ADAMTSL1: variants seen among roughly 807,000 people sequenced by gnomAD.
ADAMTSL1 encodes the protein ADAMTS like 1.
In ADAMTSL1, 126 loss-of-function variants were observed where a neutral mutation model predicts 201.8. The ratio of observed to expected loss-of-function variants is 0.62; its 90% CI spans 0.54 to 0.72. The LOEUF is 0.72. ADAMTSL1 is among the 30% of genes least tolerant of loss of function. The probability of loss-of-function intolerance (pLI) is 0.00; values close to 1 mark genes in which losing one functional copy is unlikely to be tolerated. For missense variants in ADAMTSL1, 2,679 were observed against 2,277.8 expected (o/e 1.18, Z -3.59); for synonymous variants, 1,121 against 903.4 (o/e 1.24, Z -4.32).
At chr9:18,002,349 G>A (rs1365470156) in intron 1 of ADAMTSL1, among the ~76,000 whole-genome samples, 3 of 151,946 alleles carry the variant, frequency 2.0e-5, no homozygotes, top group Non-Finnish European at 4.4e-5. Flanking sequence ...CCACAATATT[G>A]CTAGGTGACC....
At chr9:18,711,106 A>C (rs1027035761) in intron 14 of ADAMTSL1, among the ~76,000 whole-genome samples, 7 of 152,262 alleles carry the variant, frequency 4.6e-5, no homozygotes, top group African/African-American at 1.7e-4. Context: ...ATGATTTACA[A>C]AAATTGTTAC....
At chr9:18,364,781 G>A (rs949954210) in intron 2 of ADAMTSL1, among the ~76,000 whole-genome samples, 1 of 152,104 alleles carries the variant, frequency 6.6e-6, no homozygotes, top group Non-Finnish European at 1.5e-5. Context: ...TTACAATCAT[G>A]GGGGAAGGTG....
At position 18,316,114 on chromosome 9, in the gene ADAMTSL1, G is replaced by A. The variant is rs770200268; in HGVS notation, c.207+152133G>A. ...GTTTTTATTAGGGATTTTCAAAAGG[G>A]GAGGGAATGTGCGAATAGGTGTGGG... On this transcript the variant is annotated intron_variant, in intron 2 of 29. Transcript: ENST00000680146. Among the ~76,000 whole-genome samples, 11 of 152,302 alleles carry A rather than the reference G, an allele frequency of 7.2e-5. No homozygotes were observed. In the East Asian group the frequency reaches 1.2e-3, roughly 16 times the overall value.
At chr9:18,655,700 G>A (rs958981394) in intron 7 of ADAMTSL1, among the ~76,000 whole-genome samples, 2 of 148,676 alleles carry the variant, frequency 1.3e-5, no homozygotes, top group Admixed American at 6.7e-5. Context: ...AAATGCTCTG[G>A]TCTTTTATTT....
At chr9:18,094,675 C>T (rs1357348161) in intron 1 of ADAMTSL1, among the ~76,000 whole-genome samples, 1 of 152,002 alleles carries the variant, frequency 6.6e-6, no homozygotes, top group Non-Finnish European at 1.5e-5. Context: ...ATTCTCCTGC[C>T]TCAGCCTCCC....
chr9:18,817,309 T>G, intron 21 of ADAMTSL1, 72 bp downstream of exon 21: 1 of 1,449,878 alleles, frequency 6.9e-7, no homozygotes. Flanking sequence ...AAAGACAAAT[T>G]AGACACAAAT....
At chr9:18,748,052 C>T (rs1314529803) in intron 15 of ADAMTSL1, among the ~76,000 whole-genome samples, 1 of 152,208 alleles carries the variant, frequency 6.6e-6, no homozygotes, top group East Asian at 1.9e-4. Flanking sequence ...AGGTACTGGG[C>T]AGGGTCAAGC....
chr9:18,391,922 T>A (rs2133225926), intron 2 of ADAMTSL1, among the ~76,000 whole-genome samples: 1 of 151,034 alleles, frequency 6.6e-6, no homozygotes, highest in South Asian at 2.1e-4. Context: ...CCTCCTGGGT[T>A]CACGCCATTC....
chr9:18,436,898 G>C (rs895468360), intron 2 of ADAMTSL1, among the ~76,000 whole-genome samples: 1 of 152,154 alleles, frequency 6.6e-6, no homozygotes, highest in African/African-American at 2.4e-5. Context: ...CCGTAAGGAA[G>C]GCAGGAGCAG....
At chr9:18,580,386 C>A (rs1823022594) in intron 4 of ADAMTSL1, among the ~76,000 whole-genome samples, 1 of 152,134 alleles carries the variant, frequency 6.6e-6, no homozygotes, top group Non-Finnish European at 1.5e-5. Flanking sequence ...TGACCTAAGT[C>A]ACTAGTATCA....
At chr9:18,224,727 T>C (rs550007249) in intron 2 of ADAMTSL1, among the ~76,000 whole-genome samples, 1 of 152,248 alleles carries the variant, frequency 6.6e-6, no homozygotes, top group East Asian at 1.9e-4. Context: ...GCGGCTTTTC[T>C]CATTATAATC....
rs554930320 is a variant in ADAMTSL1, at chr9:18,607,831, G to C, written c.475-14412G>C. 8.6e-5 allele frequency among the ~76,000 whole-genome samples: 13 copies of C among 151,572 alleles called. 1 individual carries two copies. In the South Asian group the frequency reaches 2.5e-3, roughly 29 times the overall value. On this transcript the variant is annotated intron_variant, in intron 4 of 28. Coordinates refer to ENST00000380548, the MANE Select transcript of ADAMTSL1 (RefSeq NM_001040272.6). ...CTATGAGTGAGAACATGCGGTGTTCGGTTTTTTGTCATTGCGATAGTTTGC... is the reference window on the plus strand; with the variant it reads ...CTATGAGTGAGAACATGCGGTGTTCCGTTTTTTGTCATTGCGATAGTTTGC...
At chr9:18,457,162 G>T (rs1233910461) in intron 2 of ADAMTSL1, among the ~76,000 whole-genome samples, 1 of 152,014 alleles carries the variant, frequency 6.6e-6, no homozygotes, top group Admixed American at 6.6e-5. Flanking sequence ...CTGGAGTGCT[G>T]AAGCCTTCCC....
chr9:18,251,644 G>C (rs1279556349), intron 2 of ADAMTSL1, among the ~76,000 whole-genome samples: 1 of 152,154 alleles, frequency 6.6e-6, no homozygotes, highest in African/African-American at 2.4e-5. Context: ...GGAAGAAAAA[G>C]GGTGTGACAA....
At chr9:18,523,973 G>C (rs1221104464) in intron 2 of ADAMTSL1, among the ~76,000 whole-genome samples, 3 of 143,666 alleles carry the variant, frequency 2.1e-5, no homozygotes, top group African/African-American at 7.8e-5. Flanking sequence ...TTCCAATTCT[G>C]TGAAGAAAGT....
At position 18,770,686 on chromosome 9, in the gene ADAMTSL1, C is replaced by A. The variant is rs759263279; in HGVS notation, c.2302C>A (p.Pro768Thr). ...RMADGSFLEL[P>T]ETFCSASKPA... ...GGCTGATGGCAGCTTCCTGGAGCTT[C>A]CTGAGACCTTCTGTTCAGCTTCAAA... Residue 768 changes from proline (P) to threonine (T), a missense_variant, in exon 17 of 29, where the codon CCT (proline) becomes ACT (threonine). Coordinates refer to ENST00000380548, the MANE Select transcript of ADAMTSL1 (RefSeq NM_001040272.6). 5.0e-6 allele frequency: 8 copies of A among 1,613,614 alleles called. No homozygotes were observed. Among genetic ancestry groups the A allele is most frequent in the Non-Finnish European group, 6.8e-6 (8 of 1,179,844 alleles).
chr9:17,949,385 G>T (rs948927211), intron 1 of ADAMTSL1, among the ~76,000 whole-genome samples: 1 of 152,134 alleles, frequency 6.6e-6, no homozygotes, highest in African/African-American at 2.4e-5. Flanking sequence ...AGGTCAGTTG[G>T]TCAGAGGAAA....
intron 1 of ADAMTSL1, among the ~76,000 whole-genome samples, chr9:17,971,805 T>C (rs1453017503): frequency 6.6e-6 from 1 of 151,916 alleles, no homozygotes; most frequent in African/African-American, 2.4e-5. Flanking sequence ...TCAGGGGAGA[T>C]TATCCTTTTT....
chr9:18,328,203 T>C (rs1419569867), intron 2 of ADAMTSL1, among the ~76,000 whole-genome samples: 2 of 152,236 alleles, frequency 1.3e-5, no homozygotes, highest in Non-Finnish European at 2.9e-5. Context: ...ATCCAATTTG[T>C]TACTTTTCAC....
Sources: gnomAD v4.1 joint callset for allele counts (sites outside exome capture counted in the v4.1 genomes callset) on GRCh38, gnomAD v4.1.1 for gene constraint, MANE v1.5 for transcripts, NCBI Gene and HGNC (gene_info 2026-07-23, HGNC 2026-07-21) for gene names.